Variants in WDFY4 observed in about 807,000 individuals in gnomAD.
WDFY4 encodes WDFY family member 4, also known as WD repeat- and FYVE domain-containing protein 4.
A neutral mutation model predicts 351.9 loss-of-function variants in WDFY4; 169 were observed. The ratio of observed to expected loss-of-function variants is 0.48; its 90% CI spans 0.42 to 0.55. WDFY4 has a LOEUF of 0.55. WDFY4 is among the 20% of genes least tolerant of loss of function. The pLI is 0.00. For synonymous variants in WDFY4, 1,622 were observed against 1,574.6 expected, an observed-to-expected ratio of 1.03 and a Z score of -0.71; for missense variants, 3,803 against 3,935.6, an observed-to-expected ratio of 0.97 and a Z score of 0.90.
At chr10:48,959,605 T>A in intron 52 of WDFY4, 117 bp from the exon 53 acceptor site, 2 of 897,714 alleles carry the variant, frequency 2.2e-6, no homozygotes, top group Non-Finnish European at 3.5e-6. Context: ...GCAGAGAACA[T>A]AACTCACGTT....
chr10:48,741,030 A>G (rs1387679133), intron 11 of WDFY4, among the ~76,000 whole-genome samples: 1 of 152,106 alleles, frequency 6.6e-6, no homozygotes, highest in Admixed American at 6.5e-5. Context: ...TAGTAACTGC[A>G]ATCTGTTTTG....
chr10:48,692,549 G>A (rs886825967), intron 1 of WDFY4, among the ~76,000 whole-genome samples: 5 of 152,166 alleles, frequency 3.3e-5, no homozygotes, highest in Non-Finnish European at 5.9e-5. Flanking sequence ...TTTTATAATC[G>A]ATAGAGACTT....
chr10:48,956,419 C>T (rs1340482615), intron 51 of WDFY4, among the ~76,000 whole-genome samples: 1 of 152,198 alleles, frequency 6.6e-6, no homozygotes, highest in East Asian at 1.9e-4. Flanking sequence ...GAGTCTCCTT[C>T]CTGCCCACGT....
At chr10:48,807,741 C>T (rs2067307228) in intron 27 of WDFY4, 118 bp from the exon 28 acceptor site, 1 of 1,185,246 alleles carries the variant, frequency 8.4e-7, no homozygotes, top group Non-Finnish European at 1.2e-6. Flanking sequence ...AATTTTGAGT[C>T]CCAGCCATGC....
At chr10:48,879,441 CT>C (rs1276352359) in intron 43 of WDFY4, among the ~76,000 whole-genome samples, 1 of 152,234 alleles carries the variant, frequency 6.6e-6, no homozygotes, top group African/African-American at 2.4e-5. Flanking sequence ...TATGTGGTGT[CT>C]CCATATTGGT....
chr10:48,802,066 C>A (rs2067105100), intron 24 of WDFY4, among the ~76,000 whole-genome samples: 3 of 152,036 alleles, frequency 2.0e-5, no homozygotes, highest in Admixed American at 2.0e-4. Context: ...GAGTCCCATT[C>A]TTTCTAGCTA....
chr10:48,741,816 T>C (rs943731807), intron 11 of WDFY4, among the ~76,000 whole-genome samples: 10 of 152,092 alleles, frequency 6.6e-5, no homozygotes, highest in African/African-American at 2.4e-4. Context: ...CCTGAAAAGA[T>C]AAAACAATTC....
chr10:48,690,890 C>G (rs2063175695), intron 1 of WDFY4, among the ~76,000 whole-genome samples: 1 of 152,186 alleles, frequency 6.6e-6, no homozygotes, highest in Admixed American at 6.5e-5. Flanking sequence ...AGTCCCCACT[C>G]TGGTTTGTGG....
intron 14 of WDFY4, 147 bp downstream of exon 14, chr10:48,774,819 G>A: frequency 1.9e-6 from 2 of 1,075,636 alleles, no homozygotes; most frequent in African/African-American, 1.6e-5. Flanking sequence ...GTCCATGGCT[G>A]AGCCTTGGGT....
intron 53 of WDFY4, among the ~76,000 whole-genome samples, chr10:48,961,453 G>T (rs377164694): frequency 1.6e-4 from 25 of 152,360 alleles, no homozygotes; most frequent in African/African-American, 5.8e-4. Context: ...CAAGGTAGAA[G>T]AAGAGCCTTA....
Position 48,796,363 on chromosome 10 carries a change from C to T in WDFY4, c.4323C>T (p.Leu1441=). 6.4e-7 allele frequency: 1 copy of T among 1,552,364 alleles called. No homozygotes were observed. Among genetic ancestry groups the T allele is most frequent in the East Asian group, 2.4e-5 (1 of 40,928 alleles). ...LLNHRIFQLI[L]SVAGTVELGF... ...ACCATCGAATTTTTCAGCTGATCCT[C>T]TCAGTGGCTGGCACTGTGGAGCTGG... Residue 1441 remains leucine, a synonymous_variant, in exon 24 of 62, where the codon CTC becomes CTT. Transcript: ENST00000325239.
intron 1 of WDFY4, among the ~76,000 whole-genome samples, chr10:48,699,654 G>A (rs941238543): frequency 2.0e-5 from 3 of 152,162 alleles, no homozygotes; most frequent in Non-Finnish European, 4.4e-5. Context: ...GGCTGAAAAT[G>A]CAAAAGTGCA....
intron 11 of WDFY4, 101 bp from the exon 12 acceptor site, chr10:48,742,867 T>G: frequency 2.7e-6 from 3 of 1,112,728 alleles, no homozygotes; most frequent in Non-Finnish European, 3.8e-6. Flanking sequence ...CCTGAAGTCG[T>G]TGAGGGAAGA....
At chr10:48,783,449 A>T (rs577461382) in intron 19 of WDFY4, among the ~76,000 whole-genome samples, 29 of 151,934 alleles carry the variant, frequency 1.9e-4, no homozygotes, top group Non-Finnish European at 8.8e-5. Context: ...TGCAGGGCCA[A>T]TTGTACATAT....
At chr10:48,885,186 C>A (rs1589811632) in intron 43 of WDFY4, among the ~76,000 whole-genome samples, 2 of 152,118 alleles carry the variant, frequency 1.3e-5, no homozygotes, top group East Asian at 1.9e-4. Context: ...TAGGGCCCTA[C>A]TTTGCACCTG....
chr10:48,726,857 A>T (rs1487668019), intron 6 of WDFY4, among the ~76,000 whole-genome samples: 1 of 152,218 alleles, frequency 6.6e-6, no homozygotes, highest in Non-Finnish European at 1.5e-5. Flanking sequence ...TTCTAAAAAC[A>T]GTGACCCATC....
intron 16 of WDFY4, 124 bp from the exon 17 acceptor site, chr10:48,777,295 G>C: frequency 1.1e-6 from 1 of 946,866 alleles, no homozygotes; most frequent in Non-Finnish European, 1.6e-6. Context: ...GGACCTTATG[G>C]TCTAAGGAGG....
At chr10:48,770,285 A>C (rs1051745964) in intron 13 of WDFY4, among the ~76,000 whole-genome samples, 1 of 152,140 alleles carries the variant, frequency 6.6e-6, no homozygotes, top group African/African-American at 2.4e-5. Context: ...TCTTTTTTGC[A>C]TATTTAGATT....
intron 18 of WDFY4, among the ~76,000 whole-genome samples, chr10:48,779,310 C>T (rs2066142193): frequency 2.6e-5 from 4 of 152,240 alleles, no homozygotes; most frequent in Admixed American, 6.5e-5. Flanking sequence ...CCAGGGCCAC[C>T]CCTCCTTTGG....
Sources: gnomAD v4.1 joint callset for allele counts (sites outside exome capture counted in the v4.1 genomes callset) on GRCh38, gnomAD v4.1.1 for gene constraint, MANE v1.5 for transcripts, NCBI Gene and HGNC (gene_info 2026-07-23, HGNC 2026-07-21) for gene names.